The following NCALD variants were observed in gnomAD, a reference collection of about 807,000 sequenced individuals.
NCALD encodes the protein neurocalcin delta.
NCALD carries 10 observed loss-of-function variants against 18.6 expected under a neutral mutation model. The observed-to-expected ratio is 0.54, with a 90% confidence interval of 0.33 to 0.91. The LOEUF (loss-of-function observed/expected upper bound fraction) is 0.91, where lower values mean the gene tolerates loss of function less well. NCALD is among the 40% of genes least tolerant of loss of function. NCALD has a pLI of 0.03. For missense variants in NCALD, 184 were observed against 247.6 expected, an observed-to-expected ratio of 0.74 and a Z score of 1.72; for synonymous variants, 88 against 87.4, an observed-to-expected ratio of 1.01 and a Z score of -0.04.
At chr8:101,998,019 AT>A (rs1285901893) in intron 2 of NCALD, among the ~76,000 whole-genome samples, 1 of 152,204 alleles carries the variant, frequency 6.6e-6, no homozygotes, top group East Asian at 1.9e-4. Context: ...AATGACAGCC[AT>A]TTTTAACTCT....
intron 4 of NCALD, among the ~76,000 whole-genome samples, chr8:101,821,661 A>C (rs1813721622): frequency 6.6e-6 from 1 of 152,170 alleles, no homozygotes; most frequent in Non-Finnish European, 1.5e-5. Context: ...AAGTGCTTCC[A>C]ATCTATTGGA....
At chr8:101,889,159 G>A (rs1816782817) in intron 3 of NCALD, among the ~76,000 whole-genome samples, 1 of 152,174 alleles carries the variant, frequency 6.6e-6, no homozygotes. Flanking sequence ...AAAGCTGGAG[G>A]AAGATTTATC....
intron 3 of NCALD, chr8:101,690,387 G>A (rs1814670633): frequency 2.0e-6 from 2 of 984,278 alleles, no homozygotes; most frequent in African/African-American, 3.5e-5. Flanking sequence ...GAAAGGAGCT[G>A]CCCCAGAGAG....
chr8:101,956,598 G>GGAGAGAGAGAGAGACAGACACA (rs1395731724), intron 2 of NCALD, among the ~76,000 whole-genome samples: 6 of 151,310 alleles, frequency 4.0e-5, no homozygotes, highest in Non-Finnish European at 7.4e-5. Context: ...AGAGGGAGGT[G>GGAGAGAGAGAGAGACAGACACA]GAGAGAGAGA....
chr8:102,084,213 A>G (rs764622028), intron 1 of NCALD, among the ~76,000 whole-genome samples: 23 of 152,206 alleles, frequency 1.5e-4, no homozygotes, highest in Non-Finnish European at 2.9e-4. Flanking sequence ...TTCTTTTATT[A>G]CAGATGTTGT....
chr8:102,089,406 A>AG (rs1824850605), intron 1 of NCALD, among the ~76,000 whole-genome samples: 1 of 152,038 alleles, frequency 6.6e-6, no homozygotes, highest in East Asian at 1.9e-4. Flanking sequence ...AGGAAAAAAA[A>AG]AAAAGAAAGA....
intron 2 of NCALD, among the ~76,000 whole-genome samples, chr8:102,001,575 C>T (rs1224164552): frequency 6.6e-6 from 1 of 152,158 alleles, no homozygotes; most frequent in Non-Finnish European, 1.5e-5. Context: ...ACATAATTGT[C>T]AGATTCACCA....
intron 2 of NCALD, among the ~76,000 whole-genome samples, chr8:101,974,073 C>A (rs558268619): frequency 1.2e-4 from 18 of 152,248 alleles, no homozygotes; most frequent in African/African-American, 4.1e-4. Context: ...GCTATGTTAA[C>A]AAGTGGCCAG....
At chr8:101,702,591 C>A (rs1489064514) in intron 2 of NCALD, among the ~76,000 whole-genome samples, 1 of 152,172 alleles carries the variant, frequency 6.6e-6, no homozygotes, top group Non-Finnish European at 1.5e-5. Context: ...ACTCTCTGCA[C>A]ACTAGGGGAG....
At chr8:101,716,613 G>A (rs910660828) in intron 2 of NCALD, among the ~76,000 whole-genome samples, 2 of 152,252 alleles carry the variant, frequency 1.3e-5, no homozygotes, top group African/African-American at 4.8e-5. Context: ...AAAAAGGAAC[G>A]CAACTGCATT....
At chr8:101,899,953 T>G (rs2131559386) in intron 3 of NCALD, among the ~76,000 whole-genome samples, 3 of 152,042 alleles carry the variant, frequency 2.0e-5, no homozygotes, top group Admixed American at 2.0e-4. Context: ...GTATTAATTA[T>G]TCTTTAAATG....
intron 3 of NCALD, among the ~76,000 whole-genome samples, chr8:101,898,889 GAAT>G (rs1449596981): frequency 3.3e-5 from 5 of 151,836 alleles, no homozygotes; most frequent in Non-Finnish European, 5.9e-5. Context: ...ATAAATTTTA[GAAT>G]AATCTTATAT....
At chr8:102,089,318 C>T (rs575403694) in intron 1 of NCALD, among the ~76,000 whole-genome samples, 70 of 151,636 alleles carry the variant, frequency 4.6e-4, no homozygotes, top group African/African-American at 1.5e-3. Context: ...GGCATGAACC[C>T]GGGAGGCGGA....
intron 1 of NCALD, among the ~76,000 whole-genome samples, chr8:102,084,811 C>A (rs1824682601): frequency 6.6e-6 from 1 of 152,192 alleles, no homozygotes; most frequent in African/African-American, 2.4e-5. Context: ...TATTGGAAGA[C>A]TGCCTTTCCC....
intron 1 of NCALD, among the ~76,000 whole-genome samples, chr8:101,731,864 T>C (rs1586335816): frequency 6.6e-6 from 1 of 152,316 alleles, no homozygotes. Context: ...GACAGAGGCC[T>C]TACTAAATGG....
At chr8:101,925,316 C>T (rs1403149536) in intron 2 of NCALD, among the ~76,000 whole-genome samples, 1 of 152,050 alleles carries the variant, frequency 6.6e-6, no homozygotes, top group African/African-American at 2.4e-5. Flanking sequence ...ATTGAACAAA[C>T]ATTTATTCAG....
chr8:102,011,394 A>G (rs1392989933), intron 2 of NCALD, among the ~76,000 whole-genome samples: 6 of 152,142 alleles, frequency 3.9e-5, no homozygotes, highest in African/African-American at 1.4e-4. Context: ...TTCCTCAAAG[A>G]TCCCTTCGAG....
At chr8:101,868,148 G>T (rs1815851604) in intron 4 of NCALD, among the ~76,000 whole-genome samples, 1 of 152,114 alleles carries the variant, frequency 6.6e-6, no homozygotes, top group African/African-American at 2.4e-5. Flanking sequence ...TGCTTGCCTG[G>T]CTGTTGGAGG....
At chr8:101,723,135 G>GA (rs1209619413) in intron 1 of NCALD, among the ~76,000 whole-genome samples, 2 of 152,188 alleles carry the variant, frequency 1.3e-5, no homozygotes, top group African/African-American at 2.4e-5. Flanking sequence ...GCAGTTAAGA[G>GA]AAAAACAGTT....
Sources: allele counts gnomAD v4.1 joint callset (sites outside exome capture counted in the v4.1 genomes callset), GRCh38; gene constraint gnomAD v4.1.1; transcripts MANE v1.5; gene names NCBI Gene and HGNC (gene_info 2026-07-23, HGNC 2026-07-21).